The following NCR1 variants were observed in gnomAD, a reference collection of about 807,000 sequenced individuals.
The protein encoded by NCR1 is natural cytotoxicity triggering receptor 1, also known as NK cell-activating receptor.
A neutral mutation model predicts 32.5 loss-of-function variants in NCR1; 30 were observed. The ratio of observed to expected loss-of-function variants is 0.92; its 90% CI spans 0.69 to 1.25. The LOEUF is 1.25. Ranked by LOEUF, NCR1 falls within the 50% of genes most tolerant of loss-of-function variation. The probability of loss-of-function intolerance (pLI) is 0.00; values close to 1 mark genes in which losing one functional copy is unlikely to be tolerated. For missense variants in NCR1, 369 were observed against 380.7 expected, an observed-to-expected ratio of 0.97 and a Z score of 0.26; for synonymous variants, 169 against 143.4, an observed-to-expected ratio of 1.18 and a Z score of -1.28.
upstream of NCR1, among the ~76,000 whole-genome samples, chr19:54,902,750 T>C (rs1272218743): frequency 6.6e-6 from 1 of 151,932 alleles, no homozygotes; most frequent in African/African-American, 2.4e-5. Context: ...AAGCGCTCCG[T>C]AGGGGGAAGG....
At chr19:54,934,257 A>G in the NCR1 span, among the ~76,000 whole-genome samples, 4 of 151,960 alleles carry the variant, frequency 2.6e-5, no homozygotes, top group African/African-American at 9.7e-5. The surrounding 1 kb of genome is among the most constrained non-coding windows in gnomAD (Gnocchi z 6.7). Context: ...TGGTATTTTT[A>G]ATAGAAACAG....
the NCR1 span, among the ~76,000 whole-genome samples, chr19:54,900,475 CA>C: frequency 2.0e-5 from 3 of 152,088 alleles, no homozygotes; most frequent in South Asian, 6.2e-4. Flanking sequence ...AAGGCAAGAA[CA>C]GGCCATTTTC....
At chr19:54,931,027 A>G in the NCR1 span, among the ~76,000 whole-genome samples, 2 of 152,066 alleles carry the variant, frequency 1.3e-5, no homozygotes, top group African/African-American at 4.8e-5. Flanking sequence ...CGTCTCAAGA[A>G]AACAACAACA....
the NCR1 span, among the ~76,000 whole-genome samples, chr19:54,930,838 C>T: frequency 6.6e-6 from 1 of 152,046 alleles, no homozygotes; most frequent in Non-Finnish European, 1.5e-5. Context: ...GCCTCAGCCT[C>T]CCAAGTAGCT....
upstream of NCR1, among the ~76,000 whole-genome samples, chr19:54,904,338 A>G (rs2067414759): frequency 1.3e-5 from 2 of 151,840 alleles, no homozygotes; most frequent in Admixed American, 1.3e-4. Flanking sequence ...GCCAACGTCA[A>G]AACCCCTATT....
At chr19:54,908,401 C>T (rs904825971) in intron 3 of NCR1, among the ~76,000 whole-genome samples, 1 of 151,694 alleles carries the variant, frequency 6.6e-6, no homozygotes, top group Non-Finnish European at 1.5e-5. Flanking sequence ...TACACAGACA[C>T]AGTAACAATC....
the NCR1 span, among the ~76,000 whole-genome samples, chr19:54,937,503 C>A: frequency 6.7e-6 from 1 of 148,940 alleles, no homozygotes; most frequent in African/African-American, 2.5e-5. Flanking sequence ...ACAAGCCTGG[C>A]CAAGATGGAG....
chr19:54,933,726 GAC>G, the NCR1 span: 22 of 1,614,036 alleles, frequency 1.4e-5, no homozygotes, highest in Non-Finnish European at 1.9e-5. Context: ...TCTGTAAGAC[GAC>G]AGTTTTCCAA....
At chr19:54,900,309 G>A in the NCR1 span, among the ~76,000 whole-genome samples, 1 of 152,110 alleles carries the variant, frequency 6.6e-6, no homozygotes, top group Non-Finnish European at 1.5e-5. Context: ...TAGGAGTGCG[G>A]CCGTTTTATA....
chr19:54,903,439 C>T (rs34614852), upstream of NCR1, among the ~76,000 whole-genome samples: 53,479 of 114,594 alleles, frequency 0.47, 11,695 homozygotes, highest in East Asian at 0.61. Context: ...TACACGCATA[C>T]ATGTATGTAT....
chr19:54,934,803 G>T, the NCR1 span: 6 of 657,624 alleles, frequency 9.1e-6, no homozygotes, highest in Non-Finnish European at 1.5e-5. The surrounding 1 kb of genome is among the most constrained non-coding windows in gnomAD (Gnocchi z 6.7). Context: ...TCCGCCTCCC[G>T]GGTTCAAGCT....
chr19:54,928,003 A>G, the NCR1 span, among the ~76,000 whole-genome samples: 84,309 of 151,872 alleles, frequency 0.56, 23,645 homozygotes, highest in East Asian at 0.72. Flanking sequence ...CGAGGAGGGT[A>G]GATCACCTGA....
At chr19:54,920,567 G>A (rs1336684742), downstream of NCR1, among the ~76,000 whole-genome samples, 6 of 152,064 alleles carry the variant, frequency 3.9e-5, no homozygotes, top group African/African-American at 7.2e-5. Context: ...CAGCTCACGC[G>A]TGTAATCCCA....
the NCR1 span, among the ~76,000 whole-genome samples, chr19:54,924,478 G>T: frequency 1.3e-5 from 2 of 151,992 alleles, no homozygotes; most frequent in Admixed American, 6.6e-5. Flanking sequence ...GAAAAAGTTA[G>T]CCAGGAATGG....
chr19:54,921,772 CAA>C, the NCR1 span, among the ~76,000 whole-genome samples: 15,674 of 92,590 alleles, frequency 0.17, 642 homozygotes, highest in Non-Finnish European at 0.22. Flanking sequence ...GACTCCATCT[CAA>C]AAAAAAAAAA....
downstream of NCR1, among the ~76,000 whole-genome samples, chr19:54,917,342 TAC>T (rs1226940931): frequency 6.6e-6 from 1 of 150,752 alleles, no homozygotes; most frequent in Admixed American, 6.6e-5. Context: ...ACAAAAAAAC[TAC>T]AGTCTTGCTC....
downstream of NCR1, among the ~76,000 whole-genome samples, chr19:54,916,736 C>T (rs543196269): frequency 3.7e-4 from 44 of 118,856 alleles, no homozygotes; most frequent in Middle Eastern, 0.019. Context: ...TTGAGTCTCG[C>T]TCTGCACACC....
downstream of NCR1, among the ~76,000 whole-genome samples, chr19:54,914,843 G>A (rs916667838): frequency 8.6e-5 from 13 of 151,264 alleles, no homozygotes; most frequent in African/African-American, 2.2e-4. Flanking sequence ...GGGCTCAAGC[G>A]ATTCTCCTTC....
downstream of NCR1, among the ~76,000 whole-genome samples, chr19:54,918,615 C>G (rs908803766): frequency 6.6e-6 from 1 of 152,022 alleles, no homozygotes; most frequent in African/African-American, 2.4e-5. Flanking sequence ...CTGCCCTCCC[C>G]CTTCTGAGAC....
Sources: allele counts gnomAD v4.1 joint callset (sites outside exome capture counted in the v4.1 genomes callset), GRCh38; gene constraint gnomAD v4.1.1; non-coding constraint Gnocchi (gnomAD v3.1); transcripts MANE v1.5; gene names NCBI Gene and HGNC (gene_info 2026-07-23, HGNC 2026-07-21).